Variants in FGF12 observed in about 807,000 individuals in gnomAD.
FGF12 encodes the protein fibroblast growth factor 12.
A neutral mutation model predicts 23.6 loss-of-function variants in FGF12; 14 were observed. That is an observed-to-expected ratio of 0.59 (90% CI 0.39 to 0.93). FGF12 has a LOEUF of 0.93. Ranked by LOEUF, FGF12 falls within the 40% of genes least tolerant of loss-of-function variation. FGF12 has a pLI of 0.00. For synonymous variants in FGF12, 62 were observed against 77.3 expected (o/e 0.80, Z 1.04); for missense variants, 175 against 217.8 (o/e 0.80, Z 1.24).
chr3:192,573,854 T>C (rs928442618), intron 2 of FGF12, among the ~76,000 whole-genome samples: 3 of 152,224 alleles, frequency 2.0e-5, no homozygotes, highest in Non-Finnish European at 4.4e-5. Context: ...TGCCATCTTA[T>C]CCATGCCCTT....
rs191010306 is a variant in FGF12, at chr3:192,174,201, C to G, written c.229-3545G>C. Among the ~76,000 whole-genome samples the G allele has an allele frequency of 1.5e-4, 23 of 152,258 alleles. No individual in the cohort carries two copies. The East Asian group carries it at 4.1e-3, about 27-fold the overall frequency. On this transcript the variant is annotated intron_variant, in intron 4 of 5. Coordinates refer to ENST00000445105, the MANE Select transcript of FGF12 (RefSeq NM_004113.6). Reference sequence around the variant, plus strand: ...AACAACACTCTCATTTAATAAATAACGATTCTTAGGTTTCTGTTTCATACT... The same window carrying G: ...AACAACACTCTCATTTAATAAATAAGGATTCTTAGGTTTCTGTTTCATACT...
At chr3:192,316,900 C>T (rs1716253871) in intron 4 of FGF12, among the ~76,000 whole-genome samples, 1 of 152,118 alleles carries the variant, frequency 6.6e-6, no homozygotes, top group Non-Finnish European at 1.5e-5. Flanking sequence ...AATTGGGATA[C>T]CAGCTCAACC....
intron 2 of FGF12, among the ~76,000 whole-genome samples, chr3:192,655,373 TAA>T (rs1391689164): frequency 5.3e-5 from 8 of 152,176 alleles, no homozygotes; most frequent in African/African-American, 1.7e-4. Flanking sequence ...TCTCTATTTC[TAA>T]AACTCAGATG....
At chr3:192,282,270 T>G (rs1714190053) in intron 4 of FGF12, among the ~76,000 whole-genome samples, 1 of 152,100 alleles carries the variant, frequency 6.6e-6, no homozygotes, top group African/African-American at 2.4e-5. Context: ...CACATATTTT[T>G]TGAGTAAATG....
rs1228419538 is a variant in FGF12 at position 192,143,667 on chromosome 3, A to C, written c.*342T>G. 2.2e-5 allele frequency: 4 copies of C among 180,632 alleles called. No homozygotes were observed. Among genetic ancestry groups the C allele is most frequent in the Admixed American group, 1.8e-4 (3 of 16,306 alleles). 11.2% of individuals were successfully genotyped at this position (180,632 alleles called of 1,614,324 possible). ...CCAAATCCTTTCCTTTAAAGTAATAAGTTTATTTCATCTTTATTAATGTCT... is the reference window on the plus strand; with the variant it reads ...CCAAATCCTTTCCTTTAAAGTAATACGTTTATTTCATCTTTATTAATGTCT... On this transcript the variant is annotated 3_prime_UTR_variant, in exon 6 of 6. Coordinates refer to ENST00000445105, the MANE Select transcript of FGF12 (RefSeq NM_004113.6).
intron 2 of FGF12, among the ~76,000 whole-genome samples, chr3:192,643,965 T>C (rs2108667874): frequency 6.6e-6 from 1 of 152,270 alleles, no homozygotes; most frequent in Admixed American, 6.5e-5. Context: ...ACCAAGTGAC[T>C]TCAGAACTTA....
At chr3:192,157,552 T>C (rs6800953) in intron 5 of FGF12, among the ~76,000 whole-genome samples, 111,290 of 152,074 alleles carry the variant, frequency 0.73, 40,859 homozygotes, top group Admixed American at 0.8. Context: ...ATTCTTTTCA[T>C]GGGTGCCTGT....
At chr3:192,397,947 T>TA (rs11368857) in intron 2 of FGF12, among the ~76,000 whole-genome samples, 71,092 of 151,384 alleles carry the variant, frequency 0.47, 17,357 homozygotes, top group African/African-American at 0.61. Context: ...CAGTGCAATT[T>TA]AAAAAAAAAC....
chr3:192,350,079 C>T (rs149316798), intron 3 of FGF12, among the ~76,000 whole-genome samples: 5 of 152,084 alleles, frequency 3.3e-5, no homozygotes, highest in East Asian at 3.9e-4. Context: ...ATTATCAAGG[C>T]GTTACTCATT....
chr3:192,444,741 CTG>C (rs556522913), intron 2 of FGF12, among the ~76,000 whole-genome samples: 7 of 152,306 alleles, frequency 4.6e-5, no homozygotes, highest in Admixed American at 3.9e-4. Context: ...GCGAATTAGA[CTG>C]TGTTTCGGCT....
At chr3:192,587,205 C>G (rs1318425576) in intron 2 of FGF12, among the ~76,000 whole-genome samples, 2 of 150,618 alleles carry the variant, frequency 1.3e-5, no homozygotes, top group Admixed American at 1.3e-4. Context: ...AATGGAGCCA[C>G]TTAATCCTCA....
At chr3:192,340,854 C>A (rs1215771819) in intron 3 of FGF12, among the ~76,000 whole-genome samples, 2 of 151,746 alleles carry the variant, frequency 1.3e-5, no homozygotes, top group African/African-American at 4.8e-5. Flanking sequence ...ACTGTAAAAC[C>A]CATAGGAAAA....
chr3:192,259,394 G>T (rs981657487), intron 4 of FGF12, among the ~76,000 whole-genome samples: 1 of 152,046 alleles, frequency 6.6e-6, no homozygotes, highest in East Asian at 1.9e-4. Flanking sequence ...CTTTCTATAC[G>T]TAAAAATGTA....
chr3:192,280,226 T>C (rs368811765), intron 4 of FGF12, among the ~76,000 whole-genome samples: 4 of 152,054 alleles, frequency 2.6e-5, no homozygotes, highest in African/African-American at 9.7e-5. Flanking sequence ...TGTAATGAGG[T>C]TTTTTTCCAA....
intron 2 of FGF12, among the ~76,000 whole-genome samples, chr3:192,363,094 TA>T (rs1452056890): frequency 3.6e-5 from 4 of 109,970 alleles, no homozygotes; most frequent in Non-Finnish European, 7.7e-5. Flanking sequence ...TGTTGTGGGG[TA>T]GGGGGAGGGG....
intron 2 of FGF12, among the ~76,000 whole-genome samples, chr3:192,711,225 C>T (rs1437447661): frequency 6.9e-6 from 1 of 145,266 alleles, no homozygotes; most frequent in Non-Finnish European, 1.5e-5. Context: ...ATGTAAATCC[C>T]GTCCGGGAGG....
intron 2 of FGF12, among the ~76,000 whole-genome samples, chr3:192,519,232 T>C (rs1288017424): frequency 6.6e-6 from 1 of 152,194 alleles, no homozygotes; most frequent in Non-Finnish European, 1.5e-5. Context: ...TTGCATTTGA[T>C]TGTCATGTCA....
rs370068627 is a variant in FGF12 at position 192,455,045 on chromosome 3, G to A, written c.14-94507C>T. Reference sequence around the variant, plus strand: ...ATTCTCAATGTATTTTCTCTTACTGGTGAGAAATTTACTTTTACTGAACTT... The same window carrying A: ...ATTCTCAATGTATTTTCTCTTACTGATGAGAAATTTACTTTTACTGAACTT... On this transcript the variant is annotated intron_variant, in intron 2 of 5. Transcript: ENST00000445105. 2.0e-3 allele frequency among the ~76,000 whole-genome samples: 299 copies of A among 152,130 alleles called. 1 individual carries two copies. Among genetic ancestry groups the A allele is most frequent in the Middle Eastern group, 3.4e-3 (1 of 292 alleles).
At chr3:192,498,052 C>G (rs1189641831) in intron 2 of FGF12, among the ~76,000 whole-genome samples, 1 of 152,208 alleles carries the variant, frequency 6.6e-6, no homozygotes, top group African/African-American at 2.4e-5. Flanking sequence ...GGCCCCATGA[C>G]TCGGTGCACA....
Sources: allele counts gnomAD v4.1 joint callset (sites outside exome capture counted in the v4.1 genomes callset), GRCh38; gene constraint gnomAD v4.1.1; transcripts MANE v1.5; gene names NCBI Gene and HGNC (gene_info 2026-07-23, HGNC 2026-07-21).